Variants in RGS7 observed in about 807,000 individuals in gnomAD.
RGS7 encodes the protein regulator of G protein signaling 7.
A neutral mutation model predicts 81.1 loss-of-function variants in RGS7; 27 were observed. The observed-to-expected ratio is 0.33, with a 90% confidence interval of 0.25 to 0.46. The LOEUF is 0.46. RGS7 is among the 20% of genes least tolerant of loss of function. The pLI is 1.00. For synonymous variants in RGS7, 208 were observed against 207.7 expected (o/e 1.00, Z -0.01); for missense variants, 396 against 607.4 (o/e 0.65, Z 3.66).
chr1:240,857,269 T>G (rs1661313661), intron 9 of RGS7, among the ~76,000 whole-genome samples: 1 of 152,086 alleles, frequency 6.6e-6, no homozygotes, highest in South Asian at 2.1e-4. Flanking sequence ...GAAAATTGAG[T>G]ACAGAGAACA....
rs780786589 is a variant in RGS7, at chr1:240,981,311, C to T, written c.226+1768G>A. On this transcript the variant is annotated intron_variant, in intron 4 of 18. Coordinates refer to ENST00000440928, the MANE Select transcript of RGS7 (RefSeq NM_001364886.1). ...TTTTAGTAGAGGCAGGGTTTTTCACCGTATTGGCCAGGCTGGTCTCGAACT... is the reference window on the plus strand; with the variant it reads ...TTTTAGTAGAGGCAGGGTTTTTCACTGTATTGGCCAGGCTGGTCTCGAACT... Among the ~76,000 whole-genome samples the T allele has an allele frequency of 1.1e-4, 17 of 152,024 alleles. No individual in the cohort carries two copies. The South Asian group carries it at 1.2e-3, about 11-fold the overall frequency.
chr1:240,809,885 G>GTA (rs1046484967), intron 14 of RGS7, among the ~76,000 whole-genome samples: 3 of 152,012 alleles, frequency 2.0e-5, no homozygotes, highest in African/African-American at 7.2e-5. Flanking sequence ...TAATGTGTGT[G>GTA]TATATATATA....
intron 3 of RGS7, among the ~76,000 whole-genome samples, chr1:241,016,302 G>A (rs1357865693): frequency 1.8e-4 from 28 of 152,132 alleles, no homozygotes; most frequent in Admixed American, 1.8e-3. Flanking sequence ...GTCTGATTAT[G>A]AGGTCAAGAG....
chr1:241,089,302 G>T (rs964552715), intron 3 of RGS7, among the ~76,000 whole-genome samples: 1 of 150,958 alleles, frequency 6.6e-6, no homozygotes, highest in Non-Finnish European at 1.5e-5. Context: ...GACTGATCCA[G>T]GATGCTGCTT....
At chr1:240,963,030 T>C (rs1681717773) in intron 4 of RGS7, among the ~76,000 whole-genome samples, 1 of 152,108 alleles carries the variant, frequency 6.6e-6, no homozygotes, top group Non-Finnish European at 1.5e-5. Flanking sequence ...GAAAGATCAT[T>C]ATAGATGCAG....
chr1:240,995,036 G>C (rs759926406), intron 3 of RGS7, among the ~76,000 whole-genome samples: 1 of 151,930 alleles, frequency 6.6e-6, no homozygotes, highest in Non-Finnish European at 1.5e-5. Context: ...CCTGTTTTTT[G>C]AAAGTTTTTA....
chr1:240,827,210 G>C lies in RGS7; in HGVS notation c.610-38C>G, dbSNP rs1441676565. The C allele has an allele frequency of 2.0e-6, 3 of 1,531,270 alleles. No individual in the cohort carries two copies. The Admixed American group carries it at 5.0e-5, about 26-fold the overall frequency. The allele number at this position is 1,531,270 out of a possible 1,614,324, so 94.9% of individuals were successfully genotyped here. On this transcript the variant is annotated intron_variant, in intron 9 of 18. Coordinates refer to ENST00000440928, the MANE Select transcript of RGS7 (RefSeq NM_001364886.1). ...AAACAGAGAGACAAATGAATCTTTGGGTGTGAAATTTCTGACCAGGACAAT... is the reference window on the plus strand; with the variant it reads ...AAACAGAGAGACAAATGAATCTTTGCGTGTGAAATTTCTGACCAGGACAAT...
rs200770896 is a variant in RGS7 at position 241,147,780 on chromosome 1, TTATA to T, written c.79-49022_79-49019del. Among the ~76,000 whole-genome samples, 221 of 44,640 alleles carry T rather than the reference TTATA, an allele frequency of 5.0e-3. 4 individuals are homozygous for T. The highest frequency in any genetic ancestry group is 0.034 in the South Asian group (28 of 822). The allele number at this position is 44,640 out of a possible 152,430, so 29.3% of individuals were successfully genotyped here. A position where few individuals can be genotyped will look rare whatever the true frequency, so the allele number is the denominator to read the frequency against. ...TTAAATATCCCATCTAGATTAAGTTTTATATATATATATATATATATATATATAT... is the reference window on the plus strand; with the variant it reads ...TTAAATATCCCATCTAGATTAAGTTTTATATATATATATATATATATATAT... On this transcript the variant is annotated intron_variant, in intron 2 of 18. Transcript: ENST00000440928.
At chr1:240,977,375 TTATA>T (rs923619851) in intron 4 of RGS7, among the ~76,000 whole-genome samples, 2 of 151,780 alleles carry the variant, frequency 1.3e-5, no homozygotes, top group Admixed American at 6.6e-5. Context: ...TGCATGTGAA[TTATA>T]TATATATACA....
intron 3 of RGS7, among the ~76,000 whole-genome samples, chr1:240,983,772 C>G (rs1685269181): frequency 6.6e-6 from 1 of 152,172 alleles, no homozygotes; most frequent in Admixed American, 6.5e-5. Flanking sequence ...GATCACACAC[C>G]ATTGCCCCAG....
At chr1:240,962,134 G>A (rs556795844) in intron 4 of RGS7, among the ~76,000 whole-genome samples, 3 of 152,052 alleles carry the variant, frequency 2.0e-5, no homozygotes, top group Non-Finnish European at 4.4e-5. Flanking sequence ...GTCTTCTTCC[G>A]GCAGAAGTCT....
intron 2 of RGS7, among the ~76,000 whole-genome samples, chr1:241,330,410 T>C (rs144755850): frequency 6.6e-6 from 1 of 152,318 alleles, no homozygotes; most frequent in Non-Finnish European, 1.5e-5. Context: ...AACATGTAAT[T>C]AAGTAGATTT....
chr1:241,167,676 G>A lies in RGS7; in HGVS notation c.79-68914C>T, dbSNP rs890038879. Among the ~76,000 whole-genome samples, 4 of 152,050 alleles carry A rather than the reference G, an allele frequency of 2.6e-5. No individual in the cohort carries two copies. In the East Asian group the frequency reaches 5.8e-4, roughly 22 times the overall value. ...TGGGATTACAGGTGCACACCACCAC[G>A]CCCGGCTAATTTTTTGCATTTTTAG... On this transcript the variant is annotated intron_variant, in intron 2 of 18. Coordinates refer to ENST00000440928, the MANE Select transcript of RGS7 (RefSeq NM_001364886.1).
chr1:241,023,611 A>G (rs10802924), intron 3 of RGS7, among the ~76,000 whole-genome samples: 3 of 151,578 alleles, frequency 2.0e-5, no homozygotes, highest in African/African-American at 7.3e-5. Flanking sequence ...AAACTCTACC[A>G]TCCTTTATTC....
downstream of RGS7, among the ~76,000 whole-genome samples, chr1:240,775,358 C>T (rs1284429268): frequency 6.6e-6 from 1 of 152,158 alleles, no homozygotes; most frequent in Admixed American, 6.5e-5. Context: ...AAAAATATTT[C>T]CATCTGCCCC....
intron 14 of RGS7, among the ~76,000 whole-genome samples, chr1:240,809,179 T>C (rs995474295): frequency 2.6e-5 from 4 of 152,192 alleles, no homozygotes; most frequent in African/African-American, 9.7e-5. Context: ...CTATGTGTTT[T>C]GCTCAAAAAA....
At chr1:241,070,302 T>A (rs2062357620) in intron 3 of RGS7, among the ~76,000 whole-genome samples, 1 of 142,686 alleles carries the variant, frequency 7.0e-6, no homozygotes, top group African/African-American at 2.6e-5. Context: ...CTTGTGGAAT[T>A]CTCCACAGCT....
At position 241,162,222 on chromosome 1, in the gene RGS7, G is replaced by GCCCCCCCCCCCCCGCCC. The variant is rs68166816; in HGVS notation, c.79-63461_79-63460insGGGCGGGGGGGGGGGGG. Among the ~76,000 whole-genome samples, 233 of 141,924 alleles carry GCCCCCCCCCCCCCGCCC rather than the reference G, an allele frequency of 1.6e-3. 1 individual carries two copies. The highest frequency in any genetic ancestry group is 3.6e-3 in the Middle Eastern group (1 of 274). 93.1% of individuals were successfully genotyped at this position (141,924 alleles called of 152,430 possible). A position where few individuals can be genotyped will look rare whatever the true frequency, so the allele number is the denominator to read the frequency against. The stretch of plus-strand genomic sequence containing the variant: ...ATAAAACACCTGAAACTGGTGATCA[G>GCCCCCCCCCCCCCGCCC]CTTCCAAATAAGATCTCAGAAGTTG... On this transcript the variant is annotated intron_variant, in intron 2 of 18. Coordinates refer to ENST00000440928, the MANE Select transcript of RGS7 (RefSeq NM_001364886.1).
At chr1:240,796,365 C>T (rs908783974) in intron 18 of RGS7, among the ~76,000 whole-genome samples, 1 of 152,162 alleles carries the variant, frequency 6.6e-6, no homozygotes, top group Non-Finnish European at 1.5e-5. Context: ...CTCCTATCAA[C>T]ATTTAAACAA....
Sources: gnomAD v4.1 joint callset for allele counts (sites outside exome capture counted in the v4.1 genomes callset) on GRCh38, gnomAD v4.1.1 for gene constraint, MANE v1.5 for transcripts, NCBI Gene and HGNC (gene_info 2026-07-23, HGNC 2026-07-21) for gene names.